CDC40: variants seen among roughly 807,000 people sequenced by gnomAD.
The protein encoded by CDC40 is pre-mRNA-processing factor 17.
Under a neutral mutation model 80.6 loss-of-function variants are expected in CDC40, and 27 were observed. That is an observed-to-expected ratio of 0.33 (90% CI 0.25 to 0.46). The LOEUF (loss-of-function observed/expected upper bound fraction) is 0.46, where lower values mean the gene tolerates loss of function less well. CDC40 is among the 20% of genes least tolerant of loss of function. CDC40 has a pLI of 1.00. For missense variants in CDC40, 486 were observed against 694.1 expected (o/e 0.70, Z 3.37); for synonymous variants, 221 against 232.6 (o/e 0.95, Z 0.45).
At chr6:110,191,130 A>G (rs1777344164) in intron 1 of CDC40, among the ~76,000 whole-genome samples, 1 of 152,238 alleles carries the variant, frequency 6.6e-6, no homozygotes, top group Non-Finnish European at 1.5e-5. Flanking sequence ...TACAGGGGCC[A>G]TGGTAAAGTC....
At chr6:110,215,206 C>T (rs1777684274) in intron 8 of CDC40, 80 bp from the exon 9 acceptor site, 11 of 1,075,778 alleles carry the variant, frequency 1.0e-5, no homozygotes, top group Admixed American at 1.7e-5. Flanking sequence ...ACACACATAA[C>T]CAGCATAGGG....
chr6:110,223,801 GGTTTTGTTTTGTTTTGTTTT>G (rs59654476), intron 12 of CDC40, among the ~76,000 whole-genome samples: 218 of 143,352 alleles, frequency 1.5e-3, no homozygotes, highest in African/African-American at 5.1e-3. Context: ...CAACTTGTAG[GGTTTTGTTTTGTTTTGTTTT>G]GTTTTGTTTT....
chr6:110,184,909 G>A (rs148856368), intron 1 of CDC40, among the ~76,000 whole-genome samples: 13 of 152,254 alleles, frequency 8.5e-5, no homozygotes, highest in African/African-American at 3.1e-4. Flanking sequence ...ATTACAGTGA[G>A]AGATTTTTAT....
At chr6:110,185,941 G>C (rs1039829693) in intron 1 of CDC40, among the ~76,000 whole-genome samples, 11 of 152,162 alleles carry the variant, frequency 7.2e-5, no homozygotes, top group African/African-American at 2.7e-4. Context: ...CATGCAGTCA[G>C]TTTCTATTCT....
intron 3 of CDC40, among the ~76,000 whole-genome samples, 169 bp from the exon 4 acceptor site, chr6:110,207,337 A>G (rs1020108686): frequency 1.3e-5 from 2 of 150,336 alleles, no homozygotes; most frequent in African/African-American, 2.5e-5. Context: ...AAAAAAAAAA[A>G]GGAAGCAATA....
rs1777927174 is a variant in CDC40 at position 110,230,832 on chromosome 6, T to C, written c.*701T>C. On this transcript the variant is annotated 3_prime_UTR_variant, in exon 15 of 15. Coordinates refer to ENST00000307731, the MANE Select transcript of CDC40 (RefSeq NM_015891.3). ...ATTACATTATATCTGAAGATGGAGC[T>C]CAGGAGAATGCACCAAGACTTTGAA... 1 of 152,218 alleles carries C rather than the reference T, an allele frequency of 6.6e-6. No homozygotes were observed. The highest frequency in any genetic ancestry group is 1.5e-5 in the Non-Finnish European group (1 of 68,056). 9.4% of individuals were successfully genotyped at this position (152,218 alleles called of 1,614,324 possible).
chr6:110,208,669 A>C (rs913002413), intron 4 of CDC40, among the ~76,000 whole-genome samples: 1 of 152,202 alleles, frequency 6.6e-6, no homozygotes, highest in Admixed American at 6.5e-5. Flanking sequence ...ATTACAGTTT[A>C]TTCTTGCTTC....
At chr6:110,225,885 G>T (rs1248278133) in intron 12 of CDC40, among the ~76,000 whole-genome samples, 1 of 152,110 alleles carries the variant, frequency 6.6e-6, no homozygotes, top group South Asian at 2.1e-4. Context: ...TTCAGTAACA[G>T]ATTTTTTAAC....
chr6:110,207,935 G>C (rs1777586793), intron 4 of CDC40, among the ~76,000 whole-genome samples: 1 of 152,168 alleles, frequency 6.6e-6, no homozygotes, highest in Non-Finnish European at 1.5e-5. Context: ...TTAATGTCAA[G>C]CTTCATTTTA....
At chr6:110,207,480 A>G in intron 3 of CDC40, 26 bp from the exon 4 acceptor site, 1 of 1,176,674 alleles carries the variant, frequency 8.5e-7, no homozygotes, top group Non-Finnish European at 1.3e-6. Context: ...AAATGGAGTT[A>G]ATAATTTTCA....
intron 4 of CDC40, 21 bp downstream of exon 4, chr6:110,207,610 GAT>G: frequency 8.3e-7 from 1 of 1,207,560 alleles, no homozygotes; most frequent in Non-Finnish European, 1.2e-6. Flanking sequence ...TGAAACATTT[GAT>G]ATCATATATA....
In CDC40 at chr6:110,201,596, T is replaced by A. The variant is rs1449760055; in HGVS notation, c.315T>A (p.Ala105=). 1 of 1,611,992 alleles carries A rather than the reference T, an allele frequency of 6.2e-7. No individual in the cohort carries two copies. The highest frequency in any genetic ancestry group is 1.7e-5 in the Admixed American group (1 of 60,018). Residue 105 remains alanine (A), a synonymous_variant, in exon 3 of 15, where the codon GCT becomes GCA. Transcript: ENST00000307731. ...PENPFRTQQM[A]APRNMLSGYA... ...ATCCCTTTAGGACACAGCAAATGGC[T>A]GCCCCTAGAAATATGCTTTCTGGAT...
In CDC40 at chr6:110,197,017, T is replaced by A. The variant is rs1777426913; in HGVS notation, c.276+3749T>A. Among the ~76,000 whole-genome samples, 3 of 152,224 alleles carry A rather than the reference T, an allele frequency of 2.0e-5. No individual in the cohort carries two copies. The South Asian group carries it at 6.2e-4, about 31-fold the overall frequency. On this transcript the variant is annotated intron_variant, in intron 2 of 14. Coordinates refer to ENST00000307731, the MANE Select transcript of CDC40 (RefSeq NM_015891.3). Reference sequence around the variant, plus strand: ...ATGATTTTATTTAGCCCATTTTTAGTAGTATAAATTGTCTTAATTCCTGCA... The same window carrying A: ...ATGATTTTATTTAGCCCATTTTTAGAAGTATAAATTGTCTTAATTCCTGCA...
At chr6:110,182,848 A>G (rs1233136752) in intron 1 of CDC40, among the ~76,000 whole-genome samples, 1 of 152,140 alleles carries the variant, frequency 6.6e-6, no homozygotes, top group African/African-American at 2.4e-5. Flanking sequence ...TCCCAGTTTT[A>G]TACCCCATTC....
chr6:110,225,612 C>T (rs1777846802), intron 12 of CDC40, among the ~76,000 whole-genome samples: 1 of 152,188 alleles, frequency 6.6e-6, no homozygotes, highest in Admixed American at 6.5e-5. Context: ...CTTTGCCTGC[C>T]ATCCACCTGC....
chr6:110,194,196 A>G (rs1008996875), intron 2 of CDC40, among the ~76,000 whole-genome samples: 4 of 152,236 alleles, frequency 2.6e-5, no homozygotes, highest in African/African-American at 9.6e-5. Flanking sequence ...TAAAATGGAA[A>G]AGAATGCTTG....
rs1432372202 is a variant in CDC40 at position 110,230,226 on chromosome 6, G to C, written c.*95G>C. The C allele has an allele frequency of 2.7e-5, 20 of 750,418 alleles. No individual in the cohort carries two copies. Among genetic ancestry groups the C allele is most frequent in the Non-Finnish European group, 3.9e-5 (18 of 463,094 alleles). 46.5% of individuals were successfully genotyped at this position (750,418 alleles called of 1,614,324 possible). On this transcript the variant is annotated 3_prime_UTR_variant, in exon 15 of 15. Coordinates refer to ENST00000307731, the MANE Select transcript of CDC40 (RefSeq NM_015891.3). ...GTATCTGATGATAACTTGATTTACA[G>C]ATAATGTTGATGACATTGACCCTTT... is the stretch of plus-strand genomic sequence containing the variant.
At chr6:110,221,804 G>C (rs1353415082) in intron 12 of CDC40, among the ~76,000 whole-genome samples, 2 of 151,440 alleles carry the variant, frequency 1.3e-5, no homozygotes, top group Non-Finnish European at 2.9e-5. Context: ...TGGGTATTCT[G>C]AAGTAAAACA....
At chr6:110,223,806 T>TTTG (rs1562207897) in intron 12 of CDC40, among the ~76,000 whole-genome samples, 1 of 70,718 alleles carries the variant, frequency 1.4e-5, no homozygotes, top group Non-Finnish European at 2.8e-5. Flanking sequence ...TGTAGGGTTT[T>TTTG]GTTTTGTTTT....
Sources: gnomAD v4.1 joint callset for allele counts (sites outside exome capture counted in the v4.1 genomes callset) on GRCh38, gnomAD v4.1.1 for gene constraint, MANE v1.5 for transcripts, NCBI Gene and HGNC (gene_info 2026-07-23, HGNC 2026-07-21) for gene names.